Variants in TAFA2 observed in about 807,000 individuals in gnomAD.
TAFA2 encodes the protein chemokine-like protein TAFA-2.
Under a neutral mutation model 18.8 loss-of-function variants are expected in TAFA2, and 7 were observed. The observed-to-expected ratio is 0.37, with a 90% CI of 0.21 to 0.70. The LOEUF is 0.70. Ranked by LOEUF, TAFA2 falls within the 30% of genes least tolerant of loss-of-function variation. TAFA2 has a pLI of 0.53. For synonymous variants in TAFA2, 60 were observed against 54.2 expected, an observed-to-expected ratio of 1.11 and a Z score of -0.47; for missense variants, 122 against 158.1, an observed-to-expected ratio of 0.77 and a Z score of 1.23.
At chr12:61,929,664 C>T (rs1877469895) in intron 1 of TAFA2, among the ~76,000 whole-genome samples, 1 of 151,404 alleles carries the variant, frequency 6.6e-6, no homozygotes, top group Non-Finnish European at 1.5e-5. Flanking sequence ...GGTATATACC[C>T]AAAGGATTAT....
chr12:61,959,822 T>C (rs1030042634), intron 1 of TAFA2, among the ~76,000 whole-genome samples: 8 of 152,078 alleles, frequency 5.3e-5, no homozygotes, highest in African/African-American at 1.9e-4. Flanking sequence ...TTGCAATGAT[T>C]GCATATATTA....
chr12:61,859,740 C>A (rs1315500001), intron 2 of TAFA2, among the ~76,000 whole-genome samples: 2 of 152,126 alleles, frequency 1.3e-5, no homozygotes, highest in Non-Finnish European at 2.9e-5. Context: ...CCACGCCCCG[C>A]CCAGAAAAAG....
intron 1 of TAFA2, among the ~76,000 whole-genome samples, chr12:62,154,112 T>C (rs1409652862): frequency 6.6e-6 from 1 of 152,110 alleles, no homozygotes; most frequent in Non-Finnish European, 1.5e-5. Flanking sequence ...AAGGAATGCA[T>C]GTGGATAAAC....
Position 62,017,459 on chromosome 12 carries a change from G to A in TAFA2, c.-1-150033C>T, listed in dbSNP as rs151190880. Among the ~76,000 whole-genome samples, 136 of 152,122 alleles carry A rather than the reference G, an allele frequency of 8.9e-4. No homozygotes were observed. In the Middle Eastern group the frequency reaches 0.037, roughly 42 times the overall value. On this transcript the variant is annotated intron_variant, in intron 1 of 4. Transcript: ENST00000416284. Reference sequence around the variant, plus strand: ...GATGCTGTGGCAGCTACTGCAATACGCACACCAATATATGACACAATTTTG... The same window carrying A: ...GATGCTGTGGCAGCTACTGCAATACACACACCAATATATGACACAATTTTG...
chr12:62,224,383 C>T (rs547445646), intron 1 of TAFA2, among the ~76,000 whole-genome samples: 1 of 151,936 alleles, frequency 6.6e-6, no homozygotes, highest in South Asian at 2.1e-4. Flanking sequence ...GATCATGGTG[C>T]CAGTAAATTC....
At chr12:62,087,341 A>T (rs1028989919) in intron 1 of TAFA2, among the ~76,000 whole-genome samples, 3 of 152,210 alleles carry the variant, frequency 2.0e-5, no homozygotes, top group African/African-American at 7.2e-5. Context: ...AAGTATACAA[A>T]GATAATTTCA....
chr12:61,939,293 G>T (rs1877899427), intron 1 of TAFA2, among the ~76,000 whole-genome samples: 1 of 152,042 alleles, frequency 6.6e-6, no homozygotes, highest in Non-Finnish European at 1.5e-5. Flanking sequence ...AATTTATATT[G>T]TCATTTTAGT....
chr12:62,239,135 G>A (rs1361591382), intron 1 of TAFA2, among the ~76,000 whole-genome samples: 1 of 152,018 alleles, frequency 6.6e-6, no homozygotes, highest in Non-Finnish European at 1.5e-5. Context: ...TACCTCCAGA[G>A]TTTTCTCCCT....
intron 1 of TAFA2, among the ~76,000 whole-genome samples, chr12:61,913,029 A>G (rs564603930): frequency 1.1e-4 from 17 of 152,268 alleles, no homozygotes; most frequent in Admixed American, 9.2e-4. Flanking sequence ...TAAATAGATG[A>G]TTTACCTATT....
rs1044082124 is a variant in TAFA2 at position 62,071,680 on chromosome 12, G to C, written c.-2+119579C>G. On this transcript the variant is annotated intron_variant, in intron 1 of 4. Transcript: ENST00000416284. ...GGACTCTAAAGAGAGTTGTAGACCT[G>C]AGCCATGATGTTAGAGGAGAGGAGA... Among the ~76,000 whole-genome samples the C allele has an allele frequency of 3.6e-4, 55 of 152,202 alleles. 1 individual carries two copies. Among genetic ancestry groups the C allele is most frequent in the Non-Finnish European group, 1.0e-4 (7 of 68,042 alleles).
At chr12:61,891,122 G>C (rs1398436196) in intron 1 of TAFA2, among the ~76,000 whole-genome samples, 3 of 152,152 alleles carry the variant, frequency 2.0e-5, no homozygotes, top group African/African-American at 7.2e-5. Context: ...GTTCCAGAAG[G>C]GAGAAAATAA....
intron 1 of TAFA2, among the ~76,000 whole-genome samples, chr12:61,971,302 T>C (rs114661527): frequency 2.0e-5 from 3 of 151,838 alleles, no homozygotes; most frequent in East Asian, 1.9e-4. Context: ...AGTCTTGTTA[T>C]TGCTCTTATG....
chr12:61,757,575 C>T (rs1324725999), intron 2 of TAFA2, among the ~76,000 whole-genome samples: 1 of 151,736 alleles, frequency 6.6e-6, no homozygotes, highest in Non-Finnish European at 1.5e-5. Context: ...GTATGTAAAG[C>T]CATGGACTGA....
At chr12:61,801,625 C>T (rs141083550) in intron 2 of TAFA2, among the ~76,000 whole-genome samples, 128 of 152,178 alleles carry the variant, frequency 8.4e-4, no homozygotes, top group Non-Finnish European at 1.5e-3. Context: ...GGATTAAAGA[C>T]TTAAATGTAA....
intron 1 of TAFA2, among the ~76,000 whole-genome samples, chr12:61,883,852 C>A (rs1388388398): frequency 6.6e-6 from 1 of 152,170 alleles, no homozygotes; most frequent in Non-Finnish European, 1.5e-5. Context: ...CTGACCTTCT[C>A]AAATCCTTGA....
At chr12:62,203,337 T>C (rs2062679590) in intron 1 of TAFA2, among the ~76,000 whole-genome samples, 1 of 152,262 alleles carries the variant, frequency 6.6e-6, no homozygotes, top group Non-Finnish European at 1.5e-5. Flanking sequence ...GAGAGTTCTG[T>C]AGATATTTAT....
chr12:61,730,824 T>G (rs1210108182), intron 4 of TAFA2, among the ~76,000 whole-genome samples: 2 of 152,110 alleles, frequency 1.3e-5, no homozygotes, highest in Non-Finnish European at 2.9e-5. Context: ...TGAGATCTTG[T>G]CCCAGGCTAC....
chr12:61,760,370 A>G (rs965456754), intron 2 of TAFA2, among the ~76,000 whole-genome samples: 4 of 146,510 alleles, frequency 2.7e-5, no homozygotes, highest in Non-Finnish European at 4.5e-5. Context: ...ATCAAAATAT[A>G]TATATATATA....
At chr12:62,127,818 T>A (rs1870526411) in intron 1 of TAFA2, among the ~76,000 whole-genome samples, 1 of 152,072 alleles carries the variant, frequency 6.6e-6, no homozygotes, top group Admixed American at 6.6e-5. Context: ...GTAATAATAG[T>A]TCTAATATCA....
Sources: gnomAD v4.1 joint callset for allele counts (sites outside exome capture counted in the v4.1 genomes callset) on GRCh38, gnomAD v4.1.1 for gene constraint, MANE v1.5 for transcripts, NCBI Gene and HGNC (gene_info 2026-07-23, HGNC 2026-07-21) for gene names.